Variants in PRKCQ observed in about 807,000 individuals in gnomAD.
PRKCQ encodes protein kinase C theta type.
A neutral mutation model predicts 91.2 loss-of-function variants in PRKCQ; 41 were observed. The observed-to-expected ratio is 0.45, with a 90% CI of 0.35 to 0.58. The LOEUF is 0.58. Among genes scored for constraint, PRKCQ ranks in the 20% least tolerant of loss-of-function variants. The pLI is 0.00. For missense variants in PRKCQ, 673 were observed against 896.5 expected, an observed-to-expected ratio of 0.75 and a Z score of 3.18; for synonymous variants, 307 against 316.9, an observed-to-expected ratio of 0.97 and a Z score of 0.33.
intron 1 of PRKCQ, among the ~76,000 whole-genome samples, chr10:6,523,033 T>TAA (rs142574287): frequency 4.7e-5 from 7 of 150,524 alleles, no homozygotes; most frequent in Admixed American, 1.3e-4. Flanking sequence ...TGATAACTAG[T>TAA]AAAAAAAAAA....
intron 4 of PRKCQ, among the ~76,000 whole-genome samples, chr10:6,501,634 C>A (rs986626004): frequency 1.3e-5 from 2 of 151,682 alleles, no homozygotes; most frequent in African/African-American, 4.8e-5. Flanking sequence ...CCAGCCTGAC[C>A]AATATGGTGA....
chr10:6,494,968 T>C (rs927660633), intron 7 of PRKCQ, among the ~76,000 whole-genome samples: 21 of 152,214 alleles, frequency 1.4e-4, no homozygotes, highest in African/African-American at 5.1e-4. Context: ...GGCTCTGTTA[T>C]CTACCACACT....
chr10:6,472,280 G>C (rs578229822), intron 12 of PRKCQ, among the ~76,000 whole-genome samples: 14 of 151,958 alleles, frequency 9.2e-5, no homozygotes, highest in South Asian at 4.2e-4. Flanking sequence ...TGCACTCCAG[G>C]CTGGGCGACA....
chr10:6,478,107 C>G lies in PRKCQ; in HGVS notation c.1353+885G>C, dbSNP rs995842094. Among the ~76,000 whole-genome samples the G allele has an allele frequency of 9.9e-5, 15 of 152,168 alleles. No individual in the cohort carries two copies. In the East Asian group the frequency reaches 2.7e-3, roughly 27 times the overall value. Reference sequence around the variant, plus strand: ...CATTTTAGTGTTATTTAAATCAGAACAAAAAATTAGAGATGTTCTAGTTAA... The same window carrying G: ...CATTTTAGTGTTATTTAAATCAGAAGAAAAAATTAGAGATGTTCTAGTTAA... On this transcript the variant is annotated intron_variant, in intron 12 of 17. Coordinates refer to ENST00000263125, the MANE Select transcript of PRKCQ (RefSeq NM_006257.5).
intron 1 of PRKCQ, among the ~76,000 whole-genome samples, chr10:6,517,703 T>C (rs1028586429): frequency 1.1e-4 from 17 of 149,990 alleles, no homozygotes; most frequent in African/African-American, 4.2e-4. Flanking sequence ...GTGTTATTCC[T>C]ATTGGTAAGG....
chr10:6,410,954 G>C, the PRKCQ span, among the ~76,000 whole-genome samples: 1 of 145,506 alleles, frequency 6.9e-6, no homozygotes, highest in African/African-American at 2.5e-5. Flanking sequence ...TCCAGCCCAG[G>C]CGACAGAGTG....
At chr10:6,395,066 T>TTA in the PRKCQ span, among the ~76,000 whole-genome samples, 1 of 145,912 alleles carries the variant, frequency 6.9e-6, no homozygotes, top group Non-Finnish European at 1.5e-5. Flanking sequence ...CTTTTTTTTT[T>TTA]TTTTTTTTTT....
downstream of PRKCQ, among the ~76,000 whole-genome samples, chr10:6,426,429 T>C (rs1377729881): frequency 1.3e-5 from 2 of 152,172 alleles, no homozygotes; most frequent in Non-Finnish European, 2.9e-5. Flanking sequence ...GCAGGTGAAT[T>C]TGGTAAACAT....
chr10:6,477,134 C>T (rs1836309938), intron 12 of PRKCQ, among the ~76,000 whole-genome samples: 1 of 152,188 alleles, frequency 6.6e-6, no homozygotes, highest in Non-Finnish European at 1.5e-5. Context: ...CCTTTCATGC[C>T]CAAGGCCCTT....
the PRKCQ span, among the ~76,000 whole-genome samples, chr10:6,415,122 C>T: frequency 6.6e-6 from 1 of 151,764 alleles, no homozygotes; most frequent in African/African-American, 2.4e-5. Context: ...GCCACCATGC[C>T]CAGCTAATTT....
At chr10:6,466,942 C>T (rs547625742) in intron 12 of PRKCQ, among the ~76,000 whole-genome samples, 20 of 152,232 alleles carry the variant, frequency 1.3e-4, no homozygotes, top group Middle Eastern at 3.4e-3. Flanking sequence ...ACTCTGGAGA[C>T]GTGACTTAAC....
At chr10:6,491,144 G>A (rs1837273868) in intron 8 of PRKCQ, among the ~76,000 whole-genome samples, 1 of 152,226 alleles carries the variant, frequency 6.6e-6, no homozygotes, top group African/African-American at 2.4e-5. Flanking sequence ...GGCACTTGGA[G>A]TTCACAGCAA....
rs1319008739 is a variant in PRKCQ, at chr10:6,465,356, T to C, written c.1354-952A>G. 6.6e-6 allele frequency among the ~76,000 whole-genome samples: 1 copy of C among 152,166 alleles called. No homozygotes were observed. Among genetic ancestry groups the C allele is most frequent in the African/African-American group, 2.4e-5 (1 of 41,440 alleles). On this transcript the variant is annotated intron_variant, in intron 12 of 17. Coordinates refer to ENST00000263125, the MANE Select transcript of PRKCQ (RefSeq NM_006257.5). The surrounding 1 kb of genome is among the most constrained non-coding windows in gnomAD (Gnocchi z 4.4). Reference sequence around the variant, plus strand: ...AGGACATGATGTATGTCAGTAGAGCTGGGGCCCTCGAGTGGCCACAGTCAG... The same window carrying C: ...AGGACATGATGTATGTCAGTAGAGCCGGGGCCCTCGAGTGGCCACAGTCAG...
downstream of PRKCQ, among the ~76,000 whole-genome samples, chr10:6,423,479 G>A (rs112793195): frequency 0.011 from 1,649 of 152,276 alleles, 35 homozygotes; most frequent in African/African-American, 0.037. Flanking sequence ...CCGGCCTGCC[G>A]TCGGCTGGGG....
intron 1 of PRKCQ, among the ~76,000 whole-genome samples, chr10:6,572,285 G>A (rs1303116759): frequency 9.4e-6 from 1 of 105,824 alleles, no homozygotes; most frequent in Non-Finnish European, 2.4e-5. Context: ...TTTGTTACAT[G>A]GGTAAACGTG....
At chr10:6,462,696 T>C (rs1041053520) in intron 13 of PRKCQ, among the ~76,000 whole-genome samples, 3 of 152,120 alleles carry the variant, frequency 2.0e-5, no homozygotes, top group African/African-American at 7.2e-5. Context: ...TAATAAAACA[T>C]ACACAGACAT....
Position 6,485,269 on chromosome 10 carries a change from C to T in PRKCQ, c.901G>A (p.Ala301Thr). The stretch of plus-strand genomic sequence containing the variant: ...TGTTCAGTATCTCTTAAGCAGCGAG[C>T]CTGGATGACAAACAGAGAGTCAGAC... ...ALAMIESTQQ[A>T]RCLRDTEQIF... The change falls in exon 10 of 18, where the codon GCT becomes ACT. Residue 301 changes from alanine to threonine, a missense_variant and splice_region_variant. Physicochemically the swap from Ala to Thr is moderately conservative, Grantham distance 58 (BLOSUM62 0). Coordinates refer to ENST00000263125, the MANE Select transcript of PRKCQ (RefSeq NM_006257.5). 3 of 1,612,852 alleles carry T rather than the reference C, an allele frequency of 1.9e-6. No individual in the cohort carries two copies. Among genetic ancestry groups the T allele is most frequent in the Non-Finnish European group, 2.5e-6 (3 of 1,179,132 alleles).
At chr10:6,409,157 T>G in the PRKCQ span, among the ~76,000 whole-genome samples, 1 of 152,232 alleles carries the variant, frequency 6.6e-6, no homozygotes, top group Non-Finnish European at 1.5e-5. Context: ...CATCCACTAG[T>G]AACTGGCCCA....
the PRKCQ span, among the ~76,000 whole-genome samples, chr10:6,408,320 T>C: frequency 6.6e-6 from 1 of 152,164 alleles, no homozygotes; most frequent in African/African-American, 2.4e-5. Flanking sequence ...TTGACCAAAC[T>C]CAGGTTTGAT....
Sources: gnomAD v4.1 joint callset for allele counts (sites outside exome capture counted in the v4.1 genomes callset) on GRCh38, gnomAD v4.1.1 for gene constraint, Gnocchi (gnomAD v3.1) non-coding constraint, MANE v1.5 for transcripts, NCBI Gene and HGNC (gene_info 2026-07-23, HGNC 2026-07-21) for gene names.